ANO3: variants seen among roughly 807,000 people sequenced by gnomAD.
The protein encoded by ANO3 is anoctamin 3.
ANO3 carries 99 observed loss-of-function variants against 144.8 expected under a neutral mutation model. The ratio of observed to expected loss-of-function variants is 0.68; its 90% CI spans 0.58 to 0.81. The LOEUF (loss-of-function observed/expected upper bound fraction) is 0.81. ANO3 is among the 30% of genes least tolerant of loss of function. The pLI is 0.00. For synonymous variants in ANO3, 414 were observed against 392.6 expected (o/e 1.05, Z -0.64); for missense variants, 905 against 1,202.2 (o/e 0.75, Z 3.66).
At chr11:26,233,712 A>C (rs1027186422) in intron 1 of ANO3, among the ~76,000 whole-genome samples, 1 of 152,224 alleles carries the variant, frequency 6.6e-6, no homozygotes, top group African/African-American at 2.4e-5. Flanking sequence ...TCAATGATAG[A>C]CTGGATAAAG....
chr11:26,625,045 C>A (rs1852536780), intron 18 of ANO3, among the ~76,000 whole-genome samples: 1 of 152,112 alleles, frequency 6.6e-6, no homozygotes, highest in Non-Finnish European at 1.5e-5. Context: ...CGGCCTCAGC[C>A]TCCCGAGTAG....
At chr11:26,306,315 T>C (rs1188426686), upstream of ANO3, among the ~76,000 whole-genome samples, 1 of 151,868 alleles carries the variant, frequency 6.6e-6, no homozygotes, top group African/African-American at 2.4e-5. Context: ...AATCCTTATA[T>C]AGATTCAGCC....
In ANO3 at chr11:26,583,417, C is replaced by G. The variant is rs77900305; in HGVS notation, c.1448-14948C>G. On this transcript the variant is annotated intron_variant, in intron 14 of 26. Coordinates refer to ENST00000256737, the MANE Select transcript of ANO3 (RefSeq NM_031418.4). ...TAGAGAGAGATTCCATGTCCTTGGA[C>G]AGAGGAAATTTAACAAGACAAGCAG... Among the ~76,000 whole-genome samples, 345 of 152,284 alleles carry G rather than the reference C, an allele frequency of 2.3e-3. 1 individual carries two copies. The highest frequency in any genetic ancestry group is 7.7e-3 in the African/African-American group (318 of 41,554).
intron 1 of ANO3, among the ~76,000 whole-genome samples, chr11:26,243,886 G>A (rs565952799): frequency 5.3e-5 from 8 of 152,162 alleles, no homozygotes; most frequent in South Asian, 2.1e-4. Flanking sequence ...TTGGGAGGCC[G>A]AGGTGCGCAG....
At chr11:26,189,468 G>C (rs1851434654) in intron 1 of ANO3, 1 of 360,664 alleles carries the variant, frequency 2.8e-6, no homozygotes, top group Non-Finnish European at 3.9e-6. Context: ...AGTTTCTTTA[G>C]TTTTTTCCCA....
chr11:26,280,511 T>C (rs923420011), intron 1 of ANO3, among the ~76,000 whole-genome samples: 4 of 152,160 alleles, frequency 2.6e-5, no homozygotes, highest in African/African-American at 9.7e-5. Flanking sequence ...GGGAAACATG[T>C]AGGCAGGAAC....
At chr11:26,600,400 A>C (rs573921578) in intron 17 of ANO3, among the ~76,000 whole-genome samples, 424 of 8,500 alleles carry the variant, frequency 0.05, no homozygotes, top group Non-Finnish European at 0.059. Context: ...TCTCCTCCCC[A>C]CCTCCCTTCC....
At chr11:26,240,664 T>TA (rs935713612) in intron 1 of ANO3, among the ~76,000 whole-genome samples, 3 of 152,206 alleles carry the variant, frequency 2.0e-5, no homozygotes, top group Non-Finnish European at 4.4e-5. Flanking sequence ...TCCCATTTCA[T>TA]AAAAAAAATT....
intron 14 of ANO3, among the ~76,000 whole-genome samples, chr11:26,596,327 G>A (rs293960): frequency 0.12 from 17,606 of 151,992 alleles, 1,170 homozygotes; most frequent in Admixed American, 0.21. Context: ...AAGGACATTC[G>A]CTTGTTGCCC....
intron 14 of ANO3, among the ~76,000 whole-genome samples, chr11:26,586,503 C>CTTGTTTTTTTTTTTTTTTTTTTTTT (rs1851284492): frequency 1.2e-5 from 1 of 81,454 alleles, no homozygotes; most frequent in Non-Finnish European, 2.2e-5. Flanking sequence ...TGGTGAGAAT[C>CTTGTTTTTTTTTTTTTTTTTTTTTT]TTTTTTTTTT....
chr11:26,547,688 C>A, intron 12 of ANO3, 138 bp downstream of exon 12: 5 of 831,154 alleles, frequency 6.0e-6, no homozygotes, highest in African/African-American at 2.0e-5. Flanking sequence ...TGTTTTTTGG[C>A]TTTTGTTTTT....
intron 1 of ANO3, among the ~76,000 whole-genome samples, chr11:26,431,395 C>T (rs1274738802): frequency 6.6e-6 from 1 of 152,170 alleles, no homozygotes; most frequent in African/African-American, 2.4e-5. Flanking sequence ...GAGCAACACC[C>T]AATAGGTAGC....
At chr11:26,418,998 G>A (rs1355972848) in intron 1 of ANO3, among the ~76,000 whole-genome samples, 2 of 151,980 alleles carry the variant, frequency 1.3e-5, no homozygotes, top group East Asian at 1.9e-4. Flanking sequence ...CCTAAAATTC[G>A]GTAATTTATG....
chr11:26,604,935 A>C (rs1851895917), intron 17 of ANO3, among the ~76,000 whole-genome samples: 1 of 152,204 alleles, frequency 6.6e-6, no homozygotes, highest in East Asian at 1.9e-4. Context: ...CGCCCTGCCC[A>C]GAACTTGCAA....
At chr11:26,287,348 AAGT>A (rs1853832039) in intron 1 of ANO3, 1 of 152,198 alleles carries the variant, frequency 6.6e-6, no homozygotes, top group South Asian at 2.1e-4. Flanking sequence ...GCAGTGGTCT[AAGT>A]ACCTTACATC....
At chr11:26,565,886 T>C (rs1850560483) in intron 14 of ANO3, 2 of 1,574,726 alleles carry the variant, frequency 1.3e-6, no homozygotes, top group African/African-American at 2.8e-5. Context: ...TTGGTTTTTT[T>C]TTAAAGGAAT....
rs78056219 is a variant in ANO3 at position 26,565,026 on chromosome 11, A to C, written c.1447+5247A>C. The C allele has an allele frequency of 1.6e-3, 1,221 of 780,716 alleles. 14 individuals carry two copies. The African/African-American group carries it at 0.019, about 12-fold the overall frequency. 48.4% of individuals were successfully genotyped at this position (780,716 alleles called of 1,614,324 possible). On this transcript the variant is annotated intron_variant, in intron 14 of 26. Transcript: ENST00000256737. ...ACTATTTCTAGTGACTATAATGATC[A>C]TCCCTCAAAAGTGAGAAAATCCATG... is the stretch of plus-strand genomic sequence containing the variant.
chr11:26,201,248 A>T (rs1189982222), intron 1 of ANO3, among the ~76,000 whole-genome samples: 2 of 152,132 alleles, frequency 1.3e-5, no homozygotes, highest in Admixed American at 6.6e-5. Flanking sequence ...AAAGGAAAAT[A>T]CGTTTTCTGA....
chr11:26,236,687 G>T (rs1034855694), intron 1 of ANO3, among the ~76,000 whole-genome samples: 3 of 151,712 alleles, frequency 2.0e-5, no homozygotes, highest in African/African-American at 7.3e-5. Flanking sequence ...GCATGGTGGC[G>T]GGCGCCTGTA....
Sources: gnomAD v4.1 joint callset for allele counts (sites outside exome capture counted in the v4.1 genomes callset) on GRCh38, gnomAD v4.1.1 for gene constraint, MANE v1.5 for transcripts, NCBI Gene and HGNC (gene_info 2026-07-23, HGNC 2026-07-21) for gene names.